The following CEP112 variants were observed in gnomAD, a reference collection of about 807,000 sequenced individuals.
CEP112 encodes the protein centrosomal protein of 112 kDa.
In CEP112, 127 loss-of-function variants were observed where a neutral mutation model predicts 153.0. The ratio of observed to expected loss-of-function variants is 0.83; its 90% CI spans 0.72 to 0.96. The LOEUF (loss-of-function observed/expected upper bound fraction) is 0.96. CEP112 is among the 40% of genes least tolerant of loss of function. The pLI is 0.00. For synonymous variants in CEP112, 358 were observed against 374.4 expected (o/e 0.96, Z 0.51); for missense variants, 1,089 against 1,101.2 (o/e 0.99, Z 0.16).
chr17:65,814,655 T>C (rs533824318), intron 21 of CEP112, among the ~76,000 whole-genome samples: 1 of 152,180 alleles, frequency 6.6e-6, no homozygotes, highest in Non-Finnish European at 1.5e-5. Flanking sequence ...GCACAGGATG[T>C]GTCCCCTGTC....
intron 18 of CEP112, among the ~76,000 whole-genome samples, chr17:65,957,337 A>T (rs753531095): frequency 6.6e-6 from 1 of 152,218 alleles, no homozygotes; most frequent in Non-Finnish European, 1.5e-5. Context: ...CCTGTCAGAG[A>T]TGGAGAAAAA....
At chr17:66,051,001 C>CA (rs2066414652) in intron 12 of CEP112, among the ~76,000 whole-genome samples, 1 of 151,802 alleles carries the variant, frequency 6.6e-6, no homozygotes, top group Non-Finnish European at 1.5e-5. Context: ...TTAATTTTTT[C>CA]TTTTTTTTGG....
At chr17:66,001,287 C>A (rs1295878463) in intron 17 of CEP112, among the ~76,000 whole-genome samples, 1 of 152,200 alleles carries the variant, frequency 6.6e-6, no homozygotes, top group Non-Finnish European at 1.5e-5. Context: ...GTCCTTTGCC[C>A]ACTTTTTAAT....
At chr17:65,812,494 T>C (rs1478246575) in intron 21 of CEP112, among the ~76,000 whole-genome samples, 1 of 152,076 alleles carries the variant, frequency 6.6e-6, no homozygotes, top group East Asian at 1.9e-4. Context: ...CCAAGAAAAT[T>C]TTTCCACATT....
intron 16 of CEP112, 91 bp downstream of exon 16, chr17:66,027,410 A>C: frequency 8.7e-7 from 1 of 1,145,638 alleles, no homozygotes; most frequent in East Asian, 4.6e-5. Flanking sequence ...TGTTCTTTAA[A>C]GGTGAGAATG....
intron 23 of CEP112, among the ~76,000 whole-genome samples, chr17:65,733,066 C>T (rs1285746097): frequency 2.6e-5 from 4 of 152,198 alleles, no homozygotes; most frequent in Non-Finnish European, 5.9e-5. Flanking sequence ...TTAGTAATTT[C>T]TAGCTTTTGG....
At chr17:66,113,696 T>C (rs2069159284) in intron 6 of CEP112, among the ~76,000 whole-genome samples, 1 of 152,218 alleles carries the variant, frequency 6.6e-6, no homozygotes, top group South Asian at 2.1e-4. Context: ...AAAATGTCTA[T>C]TCTAATTTTT....
At chr17:65,928,759 G>A (rs904699473) in intron 18 of CEP112, among the ~76,000 whole-genome samples, 2 of 152,134 alleles carry the variant, frequency 1.3e-5, no homozygotes, top group Non-Finnish European at 2.9e-5. Flanking sequence ...AGCTATTCGA[G>A]AGGCTAAGGC....
chr17:66,071,781 AG>A (rs1260541996), intron 8 of CEP112, among the ~76,000 whole-genome samples: 6 of 152,192 alleles, frequency 3.9e-5, no homozygotes, highest in African/African-American at 1.4e-4. Flanking sequence ...TCCAGTATAT[AG>A]AAAAAAGTAG....
At chr17:65,662,459 C>A (rs1295272576) in intron 24 of CEP112, among the ~76,000 whole-genome samples, 1 of 152,054 alleles carries the variant, frequency 6.6e-6, no homozygotes, top group Admixed American at 6.5e-5. Context: ...TTGCCCAGAT[C>A]TTTTTTTAAA....
At chr17:65,960,708 G>A (rs1351124809) in intron 18 of CEP112, among the ~76,000 whole-genome samples, 1 of 152,192 alleles carries the variant, frequency 6.6e-6, no homozygotes, top group Non-Finnish European at 1.5e-5. Context: ...TTGGAGCATT[G>A]TCAAATTTTT....
At chr17:65,766,719 AAG>A (rs1555647161) in intron 21 of CEP112, among the ~76,000 whole-genome samples, 2 of 151,424 alleles carry the variant, frequency 1.3e-5, no homozygotes, top group Non-Finnish European at 2.9e-5. Context: ...AAAAAAAAAA[AAG>A]AGAGAACAGA....
chr17:65,708,058 G>T (rs2049001279), intron 23 of CEP112, among the ~76,000 whole-genome samples: 1 of 152,082 alleles, frequency 6.6e-6, no homozygotes. Flanking sequence ...AAACGCTAAG[G>T]TTAGCATGGC....
chr17:65,765,924 A>C (rs1369827072), intron 21 of CEP112, among the ~76,000 whole-genome samples: 1 of 152,192 alleles, frequency 6.6e-6, no homozygotes, highest in Non-Finnish European at 1.5e-5. Context: ...TGAAGACACC[A>C]ATTCAGAAAC....
chr17:65,759,996 T>C (rs888341600), intron 21 of CEP112, among the ~76,000 whole-genome samples: 1 of 152,224 alleles, frequency 6.6e-6, no homozygotes, highest in Non-Finnish European at 1.5e-5. Context: ...TATAGACGTA[T>C]ACCTAAGTAG....
At chr17:66,185,970 C>T (rs1326463590) in intron 1 of CEP112, among the ~76,000 whole-genome samples, 4 of 152,108 alleles carry the variant, frequency 2.6e-5, no homozygotes, top group Non-Finnish European at 5.9e-5. Context: ...TACTTGCTGA[C>T]TTTACTTTCC....
chr17:66,164,426 C>T (rs921675220), intron 4 of CEP112, among the ~76,000 whole-genome samples: 6 of 151,784 alleles, frequency 4.0e-5, no homozygotes, highest in Non-Finnish European at 8.8e-5. Context: ...GGCGTGGTGG[C>T]GGGCACCTGT....
At chr17:65,657,062 T>G (rs915336083) in intron 24 of CEP112, among the ~76,000 whole-genome samples, 2 of 152,300 alleles carry the variant, frequency 1.3e-5, no homozygotes, top group Admixed American at 6.5e-5. Flanking sequence ...CCTACGGGGC[T>G]GCTGAGATCA....
chr17:65,972,596 T>C (rs544116291), intron 17 of CEP112, among the ~76,000 whole-genome samples: 1 of 152,202 alleles, frequency 6.6e-6, no homozygotes, highest in South Asian at 2.1e-4. Flanking sequence ...CCAAAGCTGG[T>C]TCTTTGAGAA....
Sources: allele counts gnomAD v4.1 joint callset (sites outside exome capture counted in the v4.1 genomes callset), GRCh38; gene constraint gnomAD v4.1.1; transcripts MANE v1.5; gene names NCBI Gene and HGNC (gene_info 2026-07-23, HGNC 2026-07-21).